HEXB: variants seen among roughly 807,000 people sequenced by gnomAD.
HEXB encodes the protein hexosaminidase subunit beta, also known as beta-hexosaminidase subunit beta.
Under a neutral mutation model 71.2 loss-of-function variants are expected in HEXB, and 51 were observed. The observed-to-expected ratio is 0.72, with a 90% CI of 0.57 to 0.90. The LOEUF (loss-of-function observed/expected upper bound fraction) is 0.90, where lower values mean the gene tolerates loss of function less well. Among genes scored for constraint, HEXB ranks in the 40% least tolerant of loss-of-function variants. The probability of loss-of-function intolerance (pLI) is 0.00; values close to 1 mark genes in which losing one functional copy is unlikely to be tolerated. For missense variants in HEXB, 617 were observed against 677.0 expected (o/e 0.91, Z 0.98); for synonymous variants, 266 against 249.3 (o/e 1.07, Z -0.63).
chr5:74,643,890 C>T (rs911725851), intron 1 of HEXB, among the ~76,000 whole-genome samples: 15 of 152,162 alleles, frequency 9.9e-5, no homozygotes, highest in Non-Finnish European at 1.9e-4. Context: ...ATTCCAAAAG[C>T]GCCCTCTTTG....
chr5:74,649,559 C>T (rs923287374), intron 1 of HEXB, among the ~76,000 whole-genome samples: 1 of 152,228 alleles, frequency 6.6e-6, no homozygotes, highest in African/African-American at 2.4e-5. Flanking sequence ...TTATCTAAGG[C>T]CCATTCTTTT....
At chr5:74,670,879 A>G (rs751007208) in intron 1 of HEXB, among the ~76,000 whole-genome samples, 2 of 151,846 alleles carry the variant, frequency 1.3e-5, no homozygotes, top group Non-Finnish European at 2.9e-5. Context: ...GCTCGCTCAC[A>G]CACCCCCTCC....
intron 1 of HEXB, among the ~76,000 whole-genome samples, chr5:74,646,309 T>A (rs1414061602): frequency 2.6e-5 from 4 of 152,146 alleles, no homozygotes; most frequent in Non-Finnish European, 5.9e-5. Flanking sequence ...ACTTGAATCT[T>A]TATCAAACTC....
rs185053143 is a variant in HEXB, at chr5:74,712,691, C to T, written c.772-815C>T. ...CCCACAGTCTGGGTTTTGCTGATTGCACCCCACAGTGTCAATTAATATGTC... is the reference window on the plus strand; with the variant it reads ...CCCACAGTCTGGGTTTTGCTGATTGTACCCCACAGTGTCAATTAATATGTC... On this transcript the variant is annotated intron_variant, in intron 6 of 13. Coordinates refer to ENST00000261416, the MANE Select transcript of HEXB (RefSeq NM_000521.4). 5.9e-3 allele frequency among the ~76,000 whole-genome samples: 903 copies of T among 152,172 alleles called. 10 individuals are homozygous for T. The highest frequency in any genetic ancestry group is 0.021 in the African/African-American group (870 of 41,512).
At chr5:74,711,044 G>C (rs1411769534) in intron 6 of HEXB, among the ~76,000 whole-genome samples, 1 of 149,572 alleles carries the variant, frequency 6.7e-6, no homozygotes, top group East Asian at 2.0e-4. Flanking sequence ...ATACTACAAG[G>C]CTACAGTAAC....
upstream of HEXB, among the ~76,000 whole-genome samples, chr5:74,683,517 T>A (rs949633074): frequency 3.9e-5 from 6 of 152,170 alleles, no homozygotes; most frequent in African/African-American, 1.4e-4. Flanking sequence ...TTGGCCAGGC[T>A]GGTCTCGAAC....
rs1247917803 is a variant in HEXB, at chr5:74,713,517, T to G, written c.783T>G (p.Ser261=). The G allele has an allele frequency of 6.2e-7, 1 of 1,611,850 alleles. No homozygotes were observed. ...FPELSNKGSY[S]LSHVYTPNDV... ...TATGGCTTTTACAGGGAAGCTATTC[T>G]TTGTCTCATGTTTATACACCAAATG... The change falls in exon 7 of 14, where the codon TCT becomes TCG. Residue 261 remains serine, a synonymous_variant. Coordinates refer to ENST00000261416, the MANE Select transcript of HEXB (RefSeq NM_000521.4).
intron 11 of HEXB, chr5:74,720,214 T>A: frequency 1.7e-6 from 1 of 586,848 alleles, no homozygotes; most frequent in Non-Finnish European, 3.1e-6. Context: ...GGGTCAGGGC[T>A]GGGGATAAAG....
At chr5:74,658,480 T>G (rs1748259859) in intron 1 of HEXB, among the ~76,000 whole-genome samples, 1 of 152,122 alleles carries the variant, frequency 6.6e-6, no homozygotes, top group Non-Finnish European at 1.5e-5. Flanking sequence ...AGGCCATTTA[T>G]GTAACTGAGA....
At chr5:74,640,500 G>T (rs1747820360) in exon 1 of HEXB, 1 of 152,306 alleles carries the variant, frequency 6.6e-6, no homozygotes, top group Non-Finnish European at 1.5e-5. Flanking sequence ...TCCGTCTGTC[G>T]TCCCCACGCC....
intron 1 of HEXB, among the ~76,000 whole-genome samples, chr5:74,645,824 T>C (rs1341579743): frequency 1.3e-5 from 2 of 152,210 alleles, no homozygotes; most frequent in Admixed American, 1.3e-4. Context: ...GCTTATTATT[T>C]TCTCAGAACA....
chr5:74,708,081 CAG>C (rs1749448012), intron 6 of HEXB, among the ~76,000 whole-genome samples: 1 of 152,026 alleles, frequency 6.6e-6, no homozygotes, highest in Non-Finnish European at 1.5e-5. Flanking sequence ...ATCAGACTAA[CAG>C]CGGATCTCTC....
chr5:74,672,881 A>C (rs1023156471), intron 1 of HEXB, among the ~76,000 whole-genome samples: 7 of 152,248 alleles, frequency 4.6e-5, no homozygotes, highest in Non-Finnish European at 7.3e-5. Context: ...GGAGACATGC[A>C]GTTGCCAACA....
At chr5:74,702,954 T>TTTTG (rs1034408017) in intron 5 of HEXB, among the ~76,000 whole-genome samples, 2 of 152,314 alleles carry the variant, frequency 1.3e-5, no homozygotes, top group South Asian at 2.1e-4. Flanking sequence ...TTCCCTGTTT[T>TTTTG]TTTGTTTGTT....
chr5:74,705,601 C>T (rs1749368447), intron 6 of HEXB: 1 of 397,188 alleles, frequency 2.5e-6, no homozygotes, highest in Non-Finnish European at 4.7e-6. Context: ...TCTCAAATTA[C>T]ATATGGTTAA....
chr5:74,697,840 T>C (rs1445018297), intron 5 of HEXB, among the ~76,000 whole-genome samples: 3 of 150,942 alleles, frequency 2.0e-5, no homozygotes, highest in Non-Finnish European at 4.4e-5. Flanking sequence ...TAGAAAGGAG[T>C]CCGGGAGCTC....
intron 3 of HEXB, among the ~76,000 whole-genome samples, chr5:74,694,183 C>G (rs1012238888): frequency 1.2e-4 from 18 of 152,038 alleles, no homozygotes; most frequent in African/African-American, 3.9e-4. Context: ...TAAATAAATA[C>G]AGCATGGGAG....
chr5:74,701,074 G>A (rs1749249859), intron 5 of HEXB, among the ~76,000 whole-genome samples: 2 of 151,200 alleles, frequency 1.3e-5, no homozygotes, highest in Non-Finnish European at 2.9e-5. Flanking sequence ...TAAGAGATGG[G>A]GTTTTGCCAC....
intron 1 of HEXB, among the ~76,000 whole-genome samples, chr5:74,644,339 GGCAA>G (rs1747961319): frequency 6.6e-6 from 1 of 152,190 alleles, no homozygotes; most frequent in Admixed American, 6.5e-5. Context: ...CATGGCTTTG[GGCAA>G]GGTGGTGCTC....
Sources: gnomAD v4.1 joint callset for allele counts (sites outside exome capture counted in the v4.1 genomes callset) on GRCh38, gnomAD v4.1.1 for gene constraint, MANE v1.5 for transcripts, NCBI Gene and HGNC (gene_info 2026-07-23, HGNC 2026-07-21) for gene names.